Variants in SYNDIG1 observed in about 807,000 individuals in gnomAD.
SYNDIG1 encodes synapse differentiation-inducing gene protein 1.
Under a neutral mutation model 19.4 loss-of-function variants are expected in SYNDIG1, and 9 were observed. The ratio of observed to expected loss-of-function variants is 0.46; its 90% CI spans 0.28 to 0.81. The LOEUF is 0.81. Ranked by LOEUF, SYNDIG1 falls within the 30% of genes least tolerant of loss-of-function variation. The pLI, the probability that SYNDIG1 is intolerant of heterozygous loss-of-function variation, is 0.12. For synonymous variants in SYNDIG1, 141 were observed against 145.9 expected (o/e 0.97, Z 0.24); for missense variants, 311 against 343.3 (o/e 0.91, Z 0.74).
intron 2 of SYNDIG1, among the ~76,000 whole-genome samples, chr20:24,566,716 G>T (rs1314193992): frequency 6.6e-6 from 1 of 152,184 alleles, no homozygotes; most frequent in East Asian, 1.9e-4. Context: ...AACTCAGAGT[G>T]AAGGAGCCAC....
At chr20:24,612,110 C>A (rs1379624224) in intron 3 of SYNDIG1, among the ~76,000 whole-genome samples, 1 of 152,228 alleles carries the variant, frequency 6.6e-6, no homozygotes, top group African/African-American at 2.4e-5. Flanking sequence ...TAGAGGCAAA[C>A]AATTCAACCT....
intron 1 of SYNDIG1, among the ~76,000 whole-genome samples, chr20:24,482,754 G>A (rs1248876278): frequency 1.2e-4 from 18 of 152,218 alleles, no homozygotes. Context: ...CCATTGGCCA[G>A]GGCTGTGCTG....
intron 1 of SYNDIG1, among the ~76,000 whole-genome samples, chr20:24,483,316 G>GT (rs1408445612): frequency 1.3e-5 from 2 of 152,108 alleles, no homozygotes; most frequent in Non-Finnish European, 2.9e-5. Flanking sequence ...CAGGCATGGG[G>GT]TTACATGTGG....
At chr20:24,655,391 G>A (rs35616483) in intron 3 of SYNDIG1, among the ~76,000 whole-genome samples, 2,803 of 152,326 alleles carry the variant, frequency 0.018, 41 homozygotes, top group South Asian at 0.038. Flanking sequence ...AGGTGACAAA[G>A]TGGGTAGGGA....
chr20:24,470,225 C>T (rs1304144937), intron 1 of SYNDIG1, among the ~76,000 whole-genome samples: 1 of 152,188 alleles, frequency 6.6e-6, no homozygotes, highest in Non-Finnish European at 1.5e-5. Flanking sequence ...AGGAGACCAG[C>T]CAGGGCTGGT....
rs182668206 is a variant in SYNDIG1, at chr20:24,636,875, A to G, written c.619-28471A>G. On this transcript the variant is annotated intron_variant, in intron 3 of 3. Coordinates refer to ENST00000376862, the MANE Select transcript of SYNDIG1 (RefSeq NM_024893.3). ...CCTAAATAATTTCTTTTTAACTGCT[A>G]TATCATTATTATAAGATAAAATCTA... Among the ~76,000 whole-genome samples the G allele has an allele frequency of 8.5e-5, 13 of 152,378 alleles. No individual in the cohort carries two copies. In the East Asian group the frequency reaches 1.3e-3, roughly 16 times the overall value.
intron 1 of SYNDIG1, among the ~76,000 whole-genome samples, chr20:24,479,611 A>G (rs2055738044): frequency 2.0e-5 from 3 of 151,572 alleles, no homozygotes; most frequent in Admixed American, 1.3e-4. Flanking sequence ...CTTCCTCATC[A>G]CTAGATCTAA....
intron 3 of SYNDIG1, among the ~76,000 whole-genome samples, chr20:24,624,668 A>T (rs1488600395): frequency 2.0e-5 from 3 of 152,246 alleles, no homozygotes; most frequent in Admixed American, 6.5e-5. Flanking sequence ...ATCATAAAAA[A>T]TGACCTGAAT....
intron 1 of SYNDIG1, chr20:24,491,404 G>A (rs978428132): frequency 2.0e-5 from 3 of 152,292 alleles, no homozygotes; most frequent in Non-Finnish European, 2.9e-5. Context: ...AGGTTGACAG[G>A]TGCAGAAGAT....
intron 2 of SYNDIG1, among the ~76,000 whole-genome samples, chr20:24,552,320 A>C (rs1253807749): frequency 6.6e-6 from 1 of 152,098 alleles, no homozygotes; most frequent in Non-Finnish European, 1.5e-5. Context: ...AAAAATTATT[A>C]TTATACTTTA....
intron 1 of SYNDIG1, among the ~76,000 whole-genome samples, chr20:24,498,504 C>T (rs1448152974): frequency 6.6e-6 from 1 of 152,184 alleles, no homozygotes; most frequent in East Asian, 1.9e-4. Flanking sequence ...CCAACACCTC[C>T]CCATTCCCAT....
At chr20:24,591,840 G>A (rs938835467) in intron 3 of SYNDIG1, among the ~76,000 whole-genome samples, 4 of 152,218 alleles carry the variant, frequency 2.6e-5, no homozygotes, top group South Asian at 2.1e-4. Flanking sequence ...AGTGGTCAGT[G>A]ATTATGTCAC....
intron 3 of SYNDIG1, among the ~76,000 whole-genome samples, chr20:24,642,714 C>T (rs1600816504): frequency 6.6e-6 from 1 of 152,056 alleles, no homozygotes; most frequent in East Asian, 1.9e-4. Flanking sequence ...TTTTTTGAAG[C>T]ACTTTCTTAC....
At chr20:24,530,009 A>ATGGTGGT (rs1568614830) in intron 1 of SYNDIG1, among the ~76,000 whole-genome samples, 135 of 9,484 alleles carry the variant, frequency 0.014, no homozygotes, top group South Asian at 0.06. Context: ...TGGTGGGGAT[A>ATGGTGGT]ATGATGGTGA....
chr20:24,583,614 G>A (rs1359591022), intron 2 of SYNDIG1, among the ~76,000 whole-genome samples: 1 of 152,228 alleles, frequency 6.6e-6, no homozygotes, highest in Non-Finnish European at 1.5e-5. Flanking sequence ...AGCCCAGCCA[G>A]TGGAATGACA....
In SYNDIG1 at chr20:24,644,725, A is replaced by G. The variant is rs558232019; in HGVS notation, c.619-20621A>G. ...AGCTATCTGAGAGAAGTTACATTGG[A>G]CCTCCAGAACAGCCCATTCTCCAGC... On this transcript the variant is annotated intron_variant, in intron 3 of 3. Coordinates refer to ENST00000376862, the MANE Select transcript of SYNDIG1 (RefSeq NM_024893.3). 3.7e-4 allele frequency among the ~76,000 whole-genome samples: 56 copies of G among 152,228 alleles called. 3 individuals are homozygous for G. In the South Asian group the frequency reaches 0.011, roughly 31 times the overall value.
chr20:24,655,764 T>C (rs1296224027), intron 3 of SYNDIG1, among the ~76,000 whole-genome samples: 2 of 126,590 alleles, frequency 1.6e-5, no homozygotes, highest in African/African-American at 6.6e-5. Context: ...GAAATACATC[T>C]GTATACTCAT....
At chr20:24,512,288 G>A (rs942803158) in intron 1 of SYNDIG1, among the ~76,000 whole-genome samples, 2 of 151,412 alleles carry the variant, frequency 1.3e-5, no homozygotes, top group African/African-American at 4.9e-5. Context: ...ATCGGACAGT[G>A]GGGGCAGGAC....
At chr20:24,534,686 G>A (rs1381098272) in intron 1 of SYNDIG1, among the ~76,000 whole-genome samples, 1 of 152,158 alleles carries the variant, frequency 6.6e-6, no homozygotes, top group African/African-American at 2.4e-5. Flanking sequence ...CCTGTGCTGC[G>A]TGCAGGGTCC....
Sources: gnomAD v4.1 joint callset for allele counts (sites outside exome capture counted in the v4.1 genomes callset) on GRCh38, gnomAD v4.1.1 for gene constraint, MANE v1.5 for transcripts, NCBI Gene and HGNC (gene_info 2026-07-23, HGNC 2026-07-21) for gene names.